The following DLGAP4 variants were observed in gnomAD, a reference collection of about 807,000 sequenced individuals.
The protein encoded by DLGAP4 is disks large-associated protein 4.
Under a neutral mutation model 86.9 loss-of-function variants are expected in DLGAP4, and 18 were observed. The observed-to-expected ratio is 0.21, with a 90% CI of 0.14 to 0.31. DLGAP4 has a LOEUF of 0.31. Among genes scored for constraint, DLGAP4 ranks in the 10% least tolerant of loss-of-function variants. The probability of loss-of-function intolerance (pLI) is 1.00; values close to 1 mark genes in which losing one functional copy is unlikely to be tolerated. For missense variants in DLGAP4, 1,085 were observed against 1,362.6 expected (o/e 0.80, Z 3.21); for synonymous variants, 548 against 574.3 (o/e 0.95, Z 0.65).
At chr20:36,435,367 G>A (rs887070624) in intron 3 of DLGAP4, among the ~76,000 whole-genome samples, 1 of 152,200 alleles carries the variant, frequency 6.6e-6, no homozygotes, top group Non-Finnish European at 1.5e-5. Context: ...GCAGAGCCCG[G>A]CTCAGAAGGA....
chr20:36,392,375 T>G (rs2031812950), intron 2 of DLGAP4, among the ~76,000 whole-genome samples: 1 of 152,144 alleles, frequency 6.6e-6, no homozygotes, highest in South Asian at 2.1e-4. Context: ...TTGCTTGTTT[T>G]GGGGGGTATT....
rs780779082 is a variant in DLGAP4 at position 36,432,318 on chromosome 20, A to T, written c.601A>T (p.Ile201Phe). The T allele has an allele frequency of 6.2e-7, 1 of 1,613,698 alleles. No homozygotes were observed. Among genetic ancestry groups the T allele is most frequent in the South Asian group, 1.1e-5 (1 of 91,072 alleles). Reference sequence around the variant, plus strand: ...GCCCAAACGGCGCAGCCGCTCCAACATCTCAGGCTGGTGGAGCTCCGATGA... The same window carrying T: ...GCCCAAACGGCGCAGCCGCTCCAACTTCTCAGGCTGGTGGAGCTCCGATGA... ...GEPKRRSRSN[I>F]SGWWSSDDNL... Residue 201 changes from isoleucine to phenylalanine, a missense_variant, in exon 3 of 13, where the codon ATC (isoleucine) becomes TTC (phenylalanine). By Grantham distance (21) the Ile-to-Phe change is conservative. Transcript: ENST00000339266. The surrounding 1 kb of genome is among the most constrained non-coding windows in gnomAD (Gnocchi z 6.5).
chr20:36,309,178 A>T (rs1180010900), intron 1 of DLGAP4, among the ~76,000 whole-genome samples: 2 of 152,268 alleles, frequency 1.3e-5, no homozygotes, highest in African/African-American at 2.4e-5. Context: ...CATCGCTTCC[A>T]AAAGAAAGCC....
intron 2 of DLGAP4, among the ~76,000 whole-genome samples, chr20:36,400,597 G>C (rs150869650): frequency 3.9e-5 from 6 of 152,188 alleles, no homozygotes; most frequent in African/African-American, 1.2e-4. Flanking sequence ...TTTGGGGTCT[G>C]AGGGGGTTGG....
At chr20:36,474,941 G>A (rs766091630) in intron 7 of DLGAP4, among the ~76,000 whole-genome samples, 1 of 152,138 alleles carries the variant, frequency 6.6e-6, no homozygotes, top group Non-Finnish European at 1.5e-5. Flanking sequence ...ACAGGATACT[G>A]TCTAATCTGT....
chr20:36,485,190 A>G (rs1315138795), intron 7 of DLGAP4, among the ~76,000 whole-genome samples: 1 of 152,072 alleles, frequency 6.6e-6, no homozygotes, highest in African/African-American at 2.4e-5. Context: ...GTTTGAGACC[A>G]GCTTGGGCAA....
intron 2 of DLGAP4, among the ~76,000 whole-genome samples, chr20:36,418,872 C>T (rs545204236): frequency 4.6e-5 from 7 of 152,262 alleles, no homozygotes; most frequent in East Asian, 1.9e-4. Context: ...GCTATGGACA[C>T]GGACTTAGGC....
At chr20:36,369,818 A>G (rs1277773359) in intron 2 of DLGAP4, among the ~76,000 whole-genome samples, 3 of 152,224 alleles carry the variant, frequency 2.0e-5, no homozygotes, top group Admixed American at 6.5e-5. Flanking sequence ...AATTGTAAAA[A>G]TAATAGCTAA....
chr20:36,385,706 G>A (rs542856334), intron 2 of DLGAP4, among the ~76,000 whole-genome samples: 9 of 152,290 alleles, frequency 5.9e-5, no homozygotes, highest in African/African-American at 1.4e-4. Context: ...AGCTGCATAC[G>A]CCTCATGGGG....
chr20:36,511,808 G>C (rs1411465822), intron 10 of DLGAP4, among the ~76,000 whole-genome samples: 1 of 150,424 alleles, frequency 6.6e-6, no homozygotes, highest in Non-Finnish European at 1.5e-5. Context: ...CCGGGAGGTG[G>C]AGGTTGCGGT....
chr20:36,352,812 G>A (rs2030203090), intron 1 of DLGAP4, among the ~76,000 whole-genome samples: 1 of 151,768 alleles, frequency 6.6e-6, no homozygotes. Flanking sequence ...TGAGAGCTGG[G>A]GTCTCTTCAG....
chr20:36,359,319 C>T (rs1489294018), intron 1 of DLGAP4, among the ~76,000 whole-genome samples: 2 of 152,168 alleles, frequency 1.3e-5, no homozygotes, highest in Non-Finnish European at 2.9e-5. Context: ...CTTTTAATTG[C>T]ACTAGTCACA....
At chr20:36,406,229 T>C (rs915493807) in intron 2 of DLGAP4, among the ~76,000 whole-genome samples, 1 of 151,956 alleles carries the variant, frequency 6.6e-6, no homozygotes, top group Non-Finnish European at 1.5e-5. Flanking sequence ...AAACCCTGTC[T>C]CTACTAAAAA....
At chr20:36,345,988 C>T (rs1212227650) in intron 1 of DLGAP4, among the ~76,000 whole-genome samples, 1 of 152,192 alleles carries the variant, frequency 6.6e-6, no homozygotes, top group Admixed American at 6.5e-5. Context: ...AACTCCTGGC[C>T]TCAAGCAATC....
intron 2 of DLGAP4, among the ~76,000 whole-genome samples, chr20:36,383,747 A>G (rs1388318487): frequency 6.6e-6 from 1 of 152,054 alleles, no homozygotes; most frequent in East Asian, 1.9e-4. Flanking sequence ...AGGCCGAGGC[A>G]GGCGGATCAC....
intron 2 of DLGAP4, among the ~76,000 whole-genome samples, chr20:36,388,639 G>A (rs2031683812): frequency 6.6e-6 from 1 of 152,150 alleles, no homozygotes; most frequent in Non-Finnish European, 1.5e-5. Context: ...CCTATTAGCT[G>A]TGTGACTCTG....
At chr20:36,467,720 C>T (rs1397051682) in intron 7 of DLGAP4, among the ~76,000 whole-genome samples, 2 of 152,168 alleles carry the variant, frequency 1.3e-5, no homozygotes, top group Non-Finnish European at 1.5e-5. Flanking sequence ...GCTTGGCCAG[C>T]GCTCTGATGG....
At chr20:36,381,733 C>T (rs1431122927) in intron 2 of DLGAP4, among the ~76,000 whole-genome samples, 1 of 152,106 alleles carries the variant, frequency 6.6e-6, no homozygotes, top group African/African-American at 2.4e-5. Flanking sequence ...ACTTATATGA[C>T]AGGTATGATG....
Position 36,527,311 on chromosome 20 carries a change from G to T in DLGAP4, c.*280G>T. 1 of 291,256 alleles carries T rather than the reference G, an allele frequency of 3.4e-6. No homozygotes were observed. The highest frequency in any genetic ancestry group is 6.5e-6 in the Non-Finnish European group (1 of 154,920). The allele number at this position is 291,256 out of a possible 1,614,324, so 18.0% of individuals were successfully genotyped here. Reference sequence around the variant, plus strand: ...GCCGTGGTGGACTAGATAGATGGACGTCGGCAACTCCCGGCCCAGCCTCCA... The same window carrying T: ...GCCGTGGTGGACTAGATAGATGGACTTCGGCAACTCCCGGCCCAGCCTCCA... On this transcript the variant is annotated 3_prime_UTR_variant, in exon 13 of 13. Coordinates refer to ENST00000339266, the MANE Select transcript of DLGAP4 (RefSeq NM_001365621.2).
Sources: gnomAD v4.1 joint callset for allele counts (sites outside exome capture counted in the v4.1 genomes callset) on GRCh38, gnomAD v4.1.1 for gene constraint, Gnocchi (gnomAD v3.1) non-coding constraint, MANE v1.5 for transcripts, NCBI Gene and HGNC (gene_info 2026-07-23, HGNC 2026-07-21) for gene names.